Variants in SLC35F3 observed in about 807,000 individuals in gnomAD.
The protein encoded by SLC35F3 is putative thiamine transporter SLC35F3.
In SLC35F3, 25 loss-of-function variants were observed where a neutral mutation model predicts 49.9. The observed-to-expected ratio is 0.50, with a 90% CI of 0.37 to 0.70. SLC35F3 has a LOEUF of 0.70. SLC35F3 is among the 30% of genes least tolerant of loss of function. The pLI is 0.00. For missense variants in SLC35F3, 525 were observed against 639.8 expected (o/e 0.82, Z 1.94); for synonymous variants, 275 against 265.4 (o/e 1.04, Z -0.35).
At chr1:233,918,750 G>C (rs1484064716) in intron 2 of SLC35F3, among the ~76,000 whole-genome samples, 2 of 151,846 alleles carry the variant, frequency 1.3e-5, no homozygotes, top group Non-Finnish European at 2.9e-5. Context: ...TGGGTGACAA[G>C]AGTGAGACTC....
intron 2 of SLC35F3, among the ~76,000 whole-genome samples, chr1:233,960,225 A>G (rs1371733948): frequency 6.6e-6 from 1 of 152,062 alleles, no homozygotes; most frequent in East Asian, 1.9e-4. Flanking sequence ...CCTTCACCTA[A>G]ATGAGCAGCT....
chr1:234,161,398 A>G (rs1666225358), intron 2 of SLC35F3, among the ~76,000 whole-genome samples: 1 of 152,156 alleles, frequency 6.6e-6, no homozygotes, highest in Non-Finnish European at 1.5e-5. Context: ...ACTTAGAGCT[A>G]CACTATGCTG....
At chr1:234,219,055 CAAAAAAAAAA>C (rs60342594) in intron 2 of SLC35F3, among the ~76,000 whole-genome samples, 2 of 55,280 alleles carry the variant, frequency 3.6e-5, no homozygotes, top group Non-Finnish European at 6.6e-5. Flanking sequence ...GACTCCATCT[CAAAAAAAAAA>C]AAAAAAAAAA....
chr1:234,108,566 ATAT>A (rs1558231625), intron 2 of SLC35F3, among the ~76,000 whole-genome samples: 2 of 110,024 alleles, frequency 1.8e-5, no homozygotes, highest in African/African-American at 3.5e-5. Context: ...TAAAAGATAT[ATAT>A]TATTTATATA....
rs1438530091 is a variant in SLC35F3 at position 234,312,853 on chromosome 1, G to GC, written c.828+3533_828+3534insC. On this transcript the variant is annotated intron_variant, in intron 4 of 7. Coordinates refer to ENST00000366618, the MANE Select transcript of SLC35F3 (RefSeq NM_173508.4). ...ACGTTTTGTTGTTTGTTTTTTTTAGGTTTTTTTGTTTGTTTGTTTGTTTGT... is the reference window on the plus strand; with the variant it reads ...ACGTTTTGTTGTTTGTTTTTTTTAGGCTTTTTTTGTTTGTTTGTTTGTTTGT... 4.4e-3 allele frequency among the ~76,000 whole-genome samples: 561 copies of GC among 126,676 alleles called. 2 individuals carry two copies. Among genetic ancestry groups the GC allele is most frequent in the African/African-American group, 0.018 (506 of 28,318 alleles). 83.1% of individuals were successfully genotyped at this position (126,676 alleles called of 152,430 possible).
chr1:234,302,152 GGTT>G (rs1229685538), intron 3 of SLC35F3, among the ~76,000 whole-genome samples: 8 of 151,918 alleles, frequency 5.3e-5, no homozygotes, highest in South Asian at 2.1e-4. Context: ...ATGTATCCTG[GGTT>G]GTTGTTGTTG....
At chr1:234,098,606 G>A (rs1426047260) in intron 2 of SLC35F3, among the ~76,000 whole-genome samples, 1 of 151,062 alleles carries the variant, frequency 6.6e-6, no homozygotes, top group African/African-American at 2.4e-5. Context: ...AGTGTTATAG[G>A]GTGATGGTGG....
rs112894879 is a variant in SLC35F3 at position 234,054,717 on chromosome 1, C to T, written c.283+148959C>T. On this transcript the variant is annotated intron_variant, in intron 2 of 7. Transcript: ENST00000366618. ...CTGCGTTCCTTTGGAGGAGAAGAGG[C>T]GCTCTGATTTTTAGAATTTTCAGCT... Among the ~76,000 whole-genome samples, 253 of 152,274 alleles carry T rather than the reference C, an allele frequency of 1.7e-3. 1 individual carries two copies. Among genetic ancestry groups the T allele is most frequent in the Middle Eastern group, 6.8e-3 (2 of 294 alleles).
chr1:234,176,923 T>G (rs970083375), intron 2 of SLC35F3, among the ~76,000 whole-genome samples: 1 of 152,194 alleles, frequency 6.6e-6, no homozygotes, highest in Admixed American at 6.5e-5. Context: ...TGAAATTTCT[T>G]CTTTGGAGAA....
At chr1:234,225,992 A>G (rs1033641388) in intron 2 of SLC35F3, among the ~76,000 whole-genome samples, 10 of 152,228 alleles carry the variant, frequency 6.6e-5, no homozygotes, top group Admixed American at 3.3e-4. Flanking sequence ...CAGAAAACAC[A>G]TTCATGGTTG....
Position 234,028,328 on chromosome 1 carries a change from T to C in SLC35F3, c.283+122570T>C, listed in dbSNP as rs1013939975. On this transcript the variant is annotated intron_variant, in intron 2 of 7. Coordinates refer to ENST00000366618, the MANE Select transcript of SLC35F3 (RefSeq NM_173508.4). Reference sequence around the variant, plus strand: ...ACGTAGCTCTACCATTAGGTGATGATCTGGGGTAAAGTTGGGAAATGTTTC... The same window carrying C: ...ACGTAGCTCTACCATTAGGTGATGACCTGGGGTAAAGTTGGGAAATGTTTC... 3.3e-5 allele frequency among the ~76,000 whole-genome samples: 5 copies of C among 152,138 alleles called. No individual in the cohort carries two copies. The South Asian group carries it at 1.0e-3, about 31-fold the overall frequency.
chr1:234,179,519 C>T (rs964924259), intron 2 of SLC35F3, among the ~76,000 whole-genome samples: 7 of 152,060 alleles, frequency 4.6e-5, no homozygotes, highest in East Asian at 1.9e-4. Flanking sequence ...CAGGGTAATT[C>T]GCATATTTAT....
chr1:234,021,814 A>G (rs2102843297), intron 2 of SLC35F3, among the ~76,000 whole-genome samples: 1 of 152,282 alleles, frequency 6.6e-6, no homozygotes, highest in South Asian at 2.1e-4. Context: ...GACCACCTAT[A>G]ATGTTCATTT....
chr1:234,310,654 C>A (rs1041694038), intron 4 of SLC35F3, among the ~76,000 whole-genome samples: 1 of 152,156 alleles, frequency 6.6e-6, no homozygotes, highest in Non-Finnish European at 1.5e-5. Flanking sequence ...CCATGTCCTT[C>A]CTGACTTTAT....
chr1:234,032,790 A>G (rs1011109238), intron 2 of SLC35F3, among the ~76,000 whole-genome samples: 1 of 152,126 alleles, frequency 6.6e-6, no homozygotes, highest in African/African-American at 2.4e-5. Context: ...CATTTGTTCC[A>G]TATTTTTGCA....
At chr1:234,117,910 ATATGTGTG>A (rs1473516897) in intron 2 of SLC35F3, among the ~76,000 whole-genome samples, 11 of 79,654 alleles carry the variant, frequency 1.4e-4, no homozygotes, top group South Asian at 1.4e-3. Context: ...AAAAGACTAT[ATATGTGTG>A]TGTGTGTGTG....
intron 2 of SLC35F3, among the ~76,000 whole-genome samples, chr1:233,942,319 G>C (rs74431347): frequency 2.7e-3 from 406 of 151,782 alleles, no homozygotes; most frequent in African/African-American, 9.5e-3. Context: ...TGCCAGAAAG[G>C]GGGAGGGGGA....
intron 2 of SLC35F3, among the ~76,000 whole-genome samples, chr1:234,146,053 C>A (rs6666419): frequency 0.068 from 10,399 of 152,136 alleles, 584 homozygotes; most frequent in African/African-American, 0.14. Flanking sequence ...GTAGGTGGAT[C>A]TTTTTTTCTT....
At chr1:234,299,749 G>A (rs1668662826) in intron 3 of SLC35F3, among the ~76,000 whole-genome samples, 1 of 138,406 alleles carries the variant, frequency 7.2e-6, no homozygotes, top group African/African-American at 2.8e-5. Flanking sequence ...AGTTTGCAGT[G>A]AGCTGAGATT....
Sources: allele counts gnomAD v4.1 joint callset (sites outside exome capture counted in the v4.1 genomes callset), GRCh38; gene constraint gnomAD v4.1.1; transcripts MANE v1.5; gene names NCBI Gene and HGNC (gene_info 2026-07-23, HGNC 2026-07-21).